ZRANB3: variants seen among roughly 807,000 people sequenced by gnomAD.
ZRANB3 encodes the protein zinc finger RANBP2-type containing 3.
In ZRANB3, 125 loss-of-function variants were observed where a neutral mutation model predicts 133.8. That is an observed-to-expected ratio of 0.93 (90% CI 0.81 to 1.08). The LOEUF (loss-of-function observed/expected upper bound fraction) is 1.08, where lower values mean the gene tolerates loss of function less well. Among genes scored for constraint, ZRANB3 ranks in the 50% least tolerant of loss-of-function variants. ZRANB3 has a pLI of 0.00. For synonymous variants in ZRANB3, 387 were observed against 432.7 expected (o/e 0.89, Z 1.31); for missense variants, 1,229 against 1,275.5 (o/e 0.96, Z 0.56).
chr2:135,307,984 C>T (rs556633556), intron 8 of ZRANB3, among the ~76,000 whole-genome samples: 1 of 152,270 alleles, frequency 6.6e-6, no homozygotes, highest in South Asian at 2.1e-4. Flanking sequence ...GGTTGTCTCT[C>T]TTTCCCAGTG....
intron 2 of ZRANB3, among the ~76,000 whole-genome samples, chr2:135,441,927 A>G (rs1395320496): frequency 6.6e-6 from 1 of 152,196 alleles, no homozygotes; most frequent in Non-Finnish European, 1.5e-5. Flanking sequence ...ATCTCAGTCT[A>G]AAGTGAAGGA....
chr2:135,466,611 CTTTT>C (rs944457317), intron 2 of ZRANB3, among the ~76,000 whole-genome samples: 2 of 151,112 alleles, frequency 1.3e-5, no homozygotes, highest in African/African-American at 2.4e-5. Context: ...TCTCAGTTCT[CTTTT>C]TTATTAAATG....
At position 135,197,624 on chromosome 2, in the gene ZRANB3, T is replaced by G. The variant is rs974073871; in HGVS notation, c.*2718A>C. 1.3e-5 allele frequency: 2 copies of G among 152,238 alleles called. No individual in the cohort carries two copies. The highest frequency in any genetic ancestry group is 2.9e-5 in the Non-Finnish European group (2 of 68,042). 9.4% of individuals were successfully genotyped at this position (152,238 alleles called of 1,614,324 possible). Reference sequence around the variant, plus strand: ...ACTTTACTAGTCATCAGAATGTGTCTGGGATCAATGTCACCCAGTGACGGG... The same window carrying G: ...ACTTTACTAGTCATCAGAATGTGTCGGGGATCAATGTCACCCAGTGACGGG... On this transcript the variant is annotated 3_prime_UTR_variant, in exon 21 of 21. Coordinates refer to ENST00000264159, the MANE Select transcript of ZRANB3 (RefSeq NM_032143.4).
intron 14 of ZRANB3, among the ~76,000 whole-genome samples, chr2:135,225,997 A>G (rs1694747241): frequency 6.6e-6 from 1 of 152,212 alleles, no homozygotes; most frequent in Non-Finnish European, 1.5e-5. Context: ...GAATAAATGA[A>G]AGAAATGTCC....
In ZRANB3 at chr2:135,396,696, G is replaced by A. The variant is rs111584345; in HGVS notation, c.162-5876C>T. ...GTAGTGGTGGGGTAGGGGGAAAGTCGGGATGGTTAATGGGTAAATAAAAAT... is the reference window on the plus strand; with the variant it reads ...GTAGTGGTGGGGTAGGGGGAAAGTCAGGATGGTTAATGGGTAAATAAAAAT... On this transcript the variant is annotated intron_variant, in intron 2 of 20. Coordinates refer to ENST00000264159, the MANE Select transcript of ZRANB3 (RefSeq NM_032143.4). 3.0e-3 allele frequency among the ~76,000 whole-genome samples: 457 copies of A among 152,004 alleles called. 3 individuals carry two copies. Among genetic ancestry groups the A allele is most frequent in the African/African-American group, 0.01 (422 of 41,466 alleles).
At chr2:135,337,155 T>C (rs1406990265) in intron 6 of ZRANB3, among the ~76,000 whole-genome samples, 1 of 152,162 alleles carries the variant, frequency 6.6e-6, no homozygotes, top group Non-Finnish European at 1.5e-5. Context: ...TTGCCTAATC[T>C]AAACCCGATA....
At chr2:135,336,761 T>C (rs1170711061) in intron 6 of ZRANB3, among the ~76,000 whole-genome samples, 1 of 152,152 alleles carries the variant, frequency 6.6e-6, no homozygotes, top group African/African-American at 2.4e-5. Context: ...TATGACAAGT[T>C]CTAGTCAGGA....
At chr2:135,360,600 G>C (rs951042162) in intron 3 of ZRANB3, among the ~76,000 whole-genome samples, 1 of 152,096 alleles carries the variant, frequency 6.6e-6, no homozygotes, top group African/African-American at 2.4e-5. Flanking sequence ...AGCTACTTGG[G>C]AGGCTGAGGC....
intron 12 of ZRANB3, among the ~76,000 whole-genome samples, chr2:135,250,925 C>T (rs1679362554): frequency 6.6e-6 from 1 of 152,200 alleles, no homozygotes; most frequent in Non-Finnish European, 1.5e-5. Flanking sequence ...AAGAGGGCCA[C>T]CTGTCCTCCA....
chr2:135,477,767 G>A (rs991166733), intron 2 of ZRANB3, among the ~76,000 whole-genome samples: 1 of 152,204 alleles, frequency 6.6e-6, no homozygotes, highest in Non-Finnish European at 1.5e-5. Context: ...GCCAAGGCTG[G>A]AGGACTGCTT....
At chr2:135,372,528 T>C (rs532408664) in intron 3 of ZRANB3, among the ~76,000 whole-genome samples, 1 of 152,230 alleles carries the variant, frequency 6.6e-6, no homozygotes, top group Admixed American at 6.5e-5. Flanking sequence ...CCAGGCGCGG[T>C]GGCTCATGCC....
chr2:135,474,586 T>A (rs1691421916), intron 2 of ZRANB3, among the ~76,000 whole-genome samples: 1 of 152,040 alleles, frequency 6.6e-6, no homozygotes, highest in South Asian at 2.1e-4. Flanking sequence ...CTCCTAACCT[T>A]CCACCATGAG....
intron 2 of ZRANB3, among the ~76,000 whole-genome samples, chr2:135,455,432 C>T (rs1690467165): frequency 6.6e-6 from 1 of 151,560 alleles, no homozygotes; most frequent in African/African-American, 2.4e-5. Context: ...ATGTGGTCCA[C>T]CTGCCTCGGC....
intron 3 of ZRANB3, among the ~76,000 whole-genome samples, chr2:135,374,924 T>C (rs776496599): frequency 5.4e-4 from 82 of 152,294 alleles, no homozygotes; most frequent in South Asian, 4.1e-4. Flanking sequence ...CCTAAGAAGA[T>C]ATGCAGATGG....
At chr2:135,511,205 C>G in intron 1 of ZRANB3, 1 of 845,596 alleles carries the variant, frequency 1.2e-6, no homozygotes, top group South Asian at 1.3e-5. Flanking sequence ...AAAATGTCCT[C>G]AAGTCTTCCC....
At chr2:135,277,506 T>C (rs1680887483) in intron 8 of ZRANB3, among the ~76,000 whole-genome samples, 1 of 152,020 alleles carries the variant, frequency 6.6e-6, no homozygotes, top group Admixed American at 6.6e-5. Context: ...ACAAGATCAG[T>C]ATGCTACAAA....
chr2:135,412,329 A>G (rs1435862819), intron 2 of ZRANB3, among the ~76,000 whole-genome samples: 1 of 152,170 alleles, frequency 6.6e-6, no homozygotes, highest in African/African-American at 2.4e-5. Flanking sequence ...TAACAAAACT[A>G]TTTCACTTAT....
At chr2:135,369,195 T>C (rs1215529595) in intron 3 of ZRANB3, among the ~76,000 whole-genome samples, 1 of 152,000 alleles carries the variant, frequency 6.6e-6, no homozygotes, top group Non-Finnish European at 1.5e-5. Context: ...TAGAAAGTAT[T>C]TGAAAAAAAT....
At chr2:135,448,646 C>T (rs533775403) in intron 2 of ZRANB3, among the ~76,000 whole-genome samples, 11 of 152,134 alleles carry the variant, frequency 7.2e-5, no homozygotes, top group Non-Finnish European at 1.3e-4. Flanking sequence ...TCTCAAAAGG[C>T]AGACTTCATG....
Sources: gnomAD v4.1 joint callset for allele counts (sites outside exome capture counted in the v4.1 genomes callset) on GRCh38, gnomAD v4.1.1 for gene constraint, MANE v1.5 for transcripts, NCBI Gene and HGNC (gene_info 2026-07-23, HGNC 2026-07-21) for gene names.